TMEM116: variants seen among roughly 807,000 people sequenced by gnomAD.
The protein encoded by TMEM116 is transmembrane protein 116.
In TMEM116, 38 loss-of-function variants were observed where a neutral mutation model predicts 44.3. The ratio of observed to expected loss-of-function variants is 0.86; its 90% CI spans 0.66 to 1.12. The LOEUF (loss-of-function observed/expected upper bound fraction) is 1.12, where lower values mean the gene tolerates loss of function less well. TMEM116 is among the 50% of genes most tolerant of loss of function. The pLI is 0.00. For synonymous variants in TMEM116, 132 were observed against 144.8 expected (o/e 0.91, Z 0.64); for missense variants, 354 against 401.7 (o/e 0.88, Z 1.01).
chr12:111,941,932 A>ATTTTAT (rs748208602), intron 5 of TMEM116, among the ~76,000 whole-genome samples: 2 of 152,000 alleles, frequency 1.3e-5, no homozygotes, highest in Non-Finnish European at 2.9e-5. Flanking sequence ...ATTTCATTTT[A>ATTTTAT]TTTTATTTTT....
rs759583297 is a variant in TMEM116 at position 111,940,523 on chromosome 12, G to GTATA, written c.316-2317_316-2314dup. 9.0e-4 allele frequency among the ~76,000 whole-genome samples: 94 copies of GTATA among 104,928 alleles called. 1 individual carries two copies. Among genetic ancestry groups the GTATA allele is most frequent in the East Asian group, 4.0e-3 (6 of 1,494 alleles). The allele number at this position is 104,928 out of a possible 152,430, so 68.8% of individuals were successfully genotyped here. On this transcript the variant is annotated intron_variant, in intron 5 of 10. Transcript: ENST00000552374. ...CATATATATACACACATATATATGT[G>GTATA]TATATATATATATATATATATACAC...
intron 4 of TMEM116, among the ~76,000 whole-genome samples, chr12:111,958,419 A>T (rs2074325366): frequency 6.6e-6 from 1 of 152,144 alleles, no homozygotes; most frequent in Non-Finnish European, 1.5e-5. Flanking sequence ...GAAAATTCCA[A>T]AAACCAAAAC....
chr12:111,981,755 A>ATT (rs1946862546), intron 4 of TMEM116, among the ~76,000 whole-genome samples: 1 of 152,210 alleles, frequency 6.6e-6, no homozygotes, highest in Admixed American at 6.5e-5. Context: ...TTCAGTATTC[A>ATT]TAATAGCCAA....
chr12:111,992,256 G>A lies in TMEM116; in HGVS notation c.79-367C>T, dbSNP rs1293273274. Among the ~76,000 whole-genome samples, 3 of 151,794 alleles carry A rather than the reference G, an allele frequency of 2.0e-5. No individual in the cohort carries two copies. The East Asian group carries it at 5.8e-4, about 29-fold the overall frequency. ...AATTGAGAGTGCTTTAGTGGCACAG[G>A]CAACATCTTCTACTTTTTTTTTTTT... is the stretch of plus-strand genomic sequence containing the variant. On this transcript the variant is annotated intron_variant, in intron 3 of 10. Coordinates refer to ENST00000552374, the MANE Select transcript of TMEM116 (RefSeq NM_001193531.2).
At chr12:111,943,648 C>A (rs2073036957) in intron 4 of TMEM116, among the ~76,000 whole-genome samples, 1 of 152,168 alleles carries the variant, frequency 6.6e-6, no homozygotes, top group Non-Finnish European at 1.5e-5. Context: ...GATTCTCCTG[C>A]CTCAGCCTCC....
chr12:111,987,874 T>C (rs1472114741), intron 4 of TMEM116, among the ~76,000 whole-genome samples: 2 of 152,182 alleles, frequency 1.3e-5, no homozygotes, highest in African/African-American at 4.8e-5. Context: ...TGTACATCAA[T>C]GTTAATAGTA....
chr12:111,937,318 G>T, intron 6 of TMEM116, 75 bp from the exon 7 acceptor site: 1 of 1,133,886 alleles, frequency 8.8e-7, no homozygotes, highest in Non-Finnish European at 1.3e-6. Context: ...ATATTCTCCT[G>T]CTCTTCCCTC....
intron 5 of TMEM116, among the ~76,000 whole-genome samples, chr12:111,939,880 C>CTGTGTGTGTGTGTGTGTGTG (rs61322648): frequency 1.7e-4 from 22 of 130,464 alleles, no homozygotes; most frequent in African/African-American, 6.3e-4. Flanking sequence ...CTTCAAAGCT[C>CTGTGTGTGTGTGTGTGTGTG]TGTGTGTGTG....
chr12:111,943,370 C>G lies in TMEM116; in HGVS notation c.211-1G>C, dbSNP rs2073020383. 6.2e-7 allele frequency: 1 copy of G among 1,608,136 alleles called. No homozygotes were observed. Among genetic ancestry groups the G allele is most frequent in the East Asian group, 2.2e-5 (1 of 44,854 alleles). Reference sequence around the variant, plus strand: ...AGAGAAATGAGGAAATGTAGAATATCTAGGTTAAAATCAAAACAACCCATC... The same window carrying G: ...AGAGAAATGAGGAAATGTAGAATATGTAGGTTAAAATCAAAACAACCCATC... On this transcript the variant is annotated splice_acceptor_variant, in intron 4 of 10. Transcript: ENST00000552374. LOFTEE classifies it high-confidence loss of function.
chr12:111,993,571 A>C, intron 3 of TMEM116: 1 of 543,192 alleles, frequency 1.8e-6, no homozygotes, highest in South Asian at 1.6e-5. Flanking sequence ...TTAGACCAAG[A>C]CTTTGAGGGA....
intron 8 of TMEM116, chr12:111,936,395 A>C (rs1178896385): frequency 1.2e-5 from 3 of 243,208 alleles, no homozygotes; most frequent in Non-Finnish European, 2.4e-5. Context: ...TGTAAAGGAT[A>C]TATTTGGCAC....
At chr12:111,994,293 AAAG>A (rs935217649) in intron 3 of TMEM116, among the ~76,000 whole-genome samples, 17 of 152,368 alleles carry the variant, frequency 1.1e-4, no homozygotes, top group East Asian at 1.9e-4. Context: ...CTTGAAAAAA[AAAG>A]AAGAACTTGC....
intron 4 of TMEM116, among the ~76,000 whole-genome samples, chr12:111,987,222 G>A (rs918338702): frequency 1.6e-4 from 24 of 152,020 alleles, no homozygotes; most frequent in African/African-American, 5.5e-4. Flanking sequence ...AATGGGGAAG[G>A]GGCTGGGCAT....
intron 4 of TMEM116, among the ~76,000 whole-genome samples, chr12:111,950,064 A>G (rs1419243475): frequency 9.2e-5 from 14 of 152,166 alleles, no homozygotes. Flanking sequence ...TCAGTGAGCC[A>G]AGATCGCACC....
intron 4 of TMEM116, among the ~76,000 whole-genome samples, chr12:111,972,932 G>T (rs1428591265): frequency 6.6e-6 from 1 of 151,678 alleles, no homozygotes; most frequent in Non-Finnish European, 1.5e-5. Context: ...GAAGTCAGGA[G>T]ATCGAGTTCA....
At chr12:111,979,721 T>C (rs1051183186) in intron 4 of TMEM116, among the ~76,000 whole-genome samples, 2 of 152,140 alleles carry the variant, frequency 1.3e-5, no homozygotes, top group Non-Finnish European at 2.9e-5. Flanking sequence ...CAAAATACAT[T>C]GACTGAGGAA....
chr12:111,966,313 A>G (rs2074981115), intron 4 of TMEM116, among the ~76,000 whole-genome samples: 1 of 152,182 alleles, frequency 6.6e-6, no homozygotes, highest in African/African-American at 2.4e-5. Context: ...CTCAAAAAAA[A>G]ACAAAGAAGA....
intron 3 of TMEM116, among the ~76,000 whole-genome samples, chr12:112,002,690 C>T (rs1005746653): frequency 1.3e-5 from 2 of 152,206 alleles, no homozygotes; most frequent in Non-Finnish European, 2.9e-5. Flanking sequence ...GGGCCTAATA[C>T]TATCCCTCTT....
chr12:111,934,180 T>C, intron 8 of TMEM116, 150 bp from the exon 9 acceptor site: 1 of 953,554 alleles, frequency 1.0e-6, no homozygotes, highest in Non-Finnish European at 1.5e-6. Flanking sequence ...AGATCAGGCT[T>C]TTTTTTAAGA....
Sources: gnomAD v4.1 joint callset for allele counts (sites outside exome capture counted in the v4.1 genomes callset) on GRCh38, gnomAD v4.1.1 for gene constraint, MANE v1.5 for transcripts, NCBI Gene and HGNC (gene_info 2026-07-23, HGNC 2026-07-21) for gene names.